HEATR4: variants seen among roughly 807,000 people sequenced by gnomAD.
The protein encoded by HEATR4 is HEAT repeat containing 4, also known as HEAT repeat-containing protein 4.
Under a neutral mutation model 108.8 loss-of-function variants are expected in HEATR4, and 95 were observed. The ratio of observed to expected loss-of-function variants is 0.87; its 90% CI spans 0.74 to 1.04. HEATR4 has a LOEUF of 1.04. Ranked by LOEUF, HEATR4 falls within the 50% of genes least tolerant of loss-of-function variation. The pLI, the probability that HEATR4 is intolerant of heterozygous loss-of-function variation, is 0.00. For synonymous variants in HEATR4, 443 were observed against 459.4 expected, an observed-to-expected ratio of 0.96 and a Z score of 0.46; for missense variants, 1,152 against 1,253.8, an observed-to-expected ratio of 0.92 and a Z score of 1.23.
At chr14:73,573,808 C>A in the HEATR4 span, among the ~76,000 whole-genome samples, 1,004 of 151,954 alleles carry the variant, frequency 6.6e-3, 18 homozygotes, top group African/African-American at 0.023. Flanking sequence ...CTCACTGCAA[C>A]CTCCACCTCC....
chr14:73,586,538 C>T, the HEATR4 span, among the ~76,000 whole-genome samples: 3 of 151,928 alleles, frequency 2.0e-5, no homozygotes. Context: ...AACCCCGCCT[C>T]TACTAAAAAT....
the HEATR4 span, chr14:73,573,582 C>T: frequency 6.2e-7 from 1 of 1,613,758 alleles, no homozygotes. Flanking sequence ...CTTGCTCAGT[C>T]ATCCCGAGGT....
intron 17 of HEATR4, among the ~76,000 whole-genome samples, chr14:73,488,962 C>T (rs946789388): frequency 6.6e-6 from 1 of 151,932 alleles, no homozygotes; most frequent in Non-Finnish European, 1.5e-5. Flanking sequence ...GTGGAGGTTG[C>T]AGTGAGCCAA....
the HEATR4 span, among the ~76,000 whole-genome samples, chr14:73,599,918 A>G: frequency 6.6e-6 from 1 of 152,144 alleles, no homozygotes; most frequent in Non-Finnish European, 1.5e-5. Flanking sequence ...TCCCCCAAAA[A>G]TCTCATTTCA....
In HEATR4 at chr14:73,538,002, C is replaced by G; in HGVS notation, c.-151-7758G>C. 6 of 838,710 alleles carry G rather than the reference C, an allele frequency of 7.2e-6. 2 individuals carry two copies. The highest frequency in any genetic ancestry group is 1.9e-5 in the African/African-American group (1 of 51,342). The allele number at this position is 838,710 out of a possible 1,614,324, so 52.0% of individuals were successfully genotyped here. ...TCGCTTGTGTGTGTGTCCCTCCTCC[C>G]GCCCCACCACCACCACCCCGGGCTA... is the stretch of plus-strand genomic sequence containing the variant. On this transcript the variant is annotated intron_variant, in intron 1 of 17. Coordinates refer to ENST00000553558, the MANE Select transcript of HEATR4 (RefSeq NM_001220484.1).
At chr14:73,496,514 G>T (rs938319926) in intron 15 of HEATR4, 87 bp downstream of exon 15, 3 of 781,324 alleles carry the variant, frequency 3.8e-6, no homozygotes, top group Non-Finnish European at 6.8e-6. Flanking sequence ...GGGAAAAAGG[G>T]TATGTACATG....
Position 73,492,279 on chromosome 14 carries a change from C to T in HEATR4, c.2844+787G>A. 1 of 1,614,062 alleles carries T rather than the reference C, an allele frequency of 6.2e-7. No homozygotes were observed. ...GTCCACTCTCTGCACCTCACCTTGT[C>T]CACGTACCAGCGCAATACCTGGGGT... On this transcript the variant is annotated intron_variant, in intron 17 of 17. Transcript: ENST00000553558. The surrounding 1 kb of genome is among the most constrained non-coding windows in gnomAD (Gnocchi z 4.9).
chr14:73,502,832 G>T, intron 11 of HEATR4, 63 bp downstream of exon 11: 1 of 1,314,640 alleles, frequency 7.6e-7, no homozygotes, highest in Non-Finnish European at 1.1e-6. Context: ...ACCTTGCCCA[G>T]CCTGCCTCCT....
chr14:73,509,245 C>G, intron 8 of HEATR4, 67 bp downstream of exon 8: 1 of 1,465,654 alleles, frequency 6.8e-7, no homozygotes, highest in East Asian at 2.3e-5. Context: ...GAGGAAAGGA[C>G]TGGGAAAGCT....
the HEATR4 span, among the ~76,000 whole-genome samples, chr14:73,625,336 G>A: frequency 1.3e-5 from 2 of 151,646 alleles, no homozygotes; most frequent in African/African-American, 4.9e-5. Flanking sequence ...GGGATTACAG[G>A]TGTGAGCCAC....
At chr14:73,533,925 G>T (rs1487293920) in intron 1 of HEATR4, among the ~76,000 whole-genome samples, 1 of 103,668 alleles carries the variant, frequency 9.6e-6, no homozygotes, top group Non-Finnish European at 2.0e-5. Context: ...GGCCATGCAT[G>T]CCTACAATCC....
At chr14:73,515,585 C>T (rs1887551139) in intron 5 of HEATR4, among the ~76,000 whole-genome samples, 1 of 140,322 alleles carries the variant, frequency 7.1e-6, no homozygotes, top group Admixed American at 8.2e-5. Context: ...GATGCTGAAG[C>T]AGAAGAATCA....
the HEATR4 span, chr14:73,574,409 C>T: frequency 1.2e-4 from 28 of 228,124 alleles, no homozygotes; most frequent in South Asian, 1.8e-3. Context: ...TGACTACAGG[C>T]ACGTGCCACT....
the HEATR4 span, among the ~76,000 whole-genome samples, chr14:73,611,941 C>T: frequency 1.3e-5 from 2 of 152,130 alleles, no homozygotes; most frequent in South Asian, 4.1e-4. Context: ...TTTTCAAAAT[C>T]TAGATTCTTG....
the HEATR4 span, chr14:73,611,431 G>A: frequency 2.6e-5 from 4 of 152,174 alleles, no homozygotes; most frequent in East Asian, 7.7e-4. Context: ...GTTCTACACC[G>A]AATCTTGTTT....
chr14:73,481,865 A>G (rs534123806), intron 17 of HEATR4, among the ~76,000 whole-genome samples: 43 of 151,390 alleles, frequency 2.8e-4, no homozygotes, highest in African/African-American at 9.5e-4. Flanking sequence ...AAAAAAATAA[A>G]AACATCAGTA....
At chr14:73,493,239 C>A in intron 16 of HEATR4, 115 bp from the exon 17 acceptor site, 1 of 799,272 alleles carries the variant, frequency 1.3e-6, no homozygotes, top group Non-Finnish European at 2.1e-6. Flanking sequence ...GTAACACTGA[C>A]CATGTCGTTC....
the HEATR4 span, chr14:73,593,941 G>A: frequency 1.3e-6 from 2 of 1,553,860 alleles, no homozygotes; most frequent in Non-Finnish European, 1.8e-6. Context: ...AGTCTCTCTA[G>A]AAATATTTCC....
chr14:73,596,379 C>T, the HEATR4 span: 1 of 151,974 alleles, frequency 6.6e-6, no homozygotes, highest in Non-Finnish European at 1.5e-5. Flanking sequence ...ACCTGTAGTC[C>T]CAGCTACTCG....
Sources: gnomAD v4.1 joint callset for allele counts (sites outside exome capture counted in the v4.1 genomes callset) on GRCh38, gnomAD v4.1.1 for gene constraint, Gnocchi (gnomAD v3.1) non-coding constraint, MANE v1.5 for transcripts, NCBI Gene and HGNC (gene_info 2026-07-23, HGNC 2026-07-21) for gene names.